The following PCGF6 variants were observed in gnomAD, a reference collection of about 807,000 sequenced individuals.
PCGF6 encodes polycomb group RING finger protein 6.
Under a neutral mutation model 45.5 loss-of-function variants are expected in PCGF6, and 24 were observed. The ratio of observed to expected loss-of-function variants is 0.53; its 90% CI spans 0.38 to 0.74. The LOEUF (loss-of-function observed/expected upper bound fraction) is 0.74, where lower values mean the gene tolerates loss of function less well. Ranked by LOEUF, PCGF6 falls within the 30% of genes least tolerant of loss-of-function variation. PCGF6 has a pLI of 0.00. For synonymous variants in PCGF6, 152 were observed against 162.1 expected (o/e 0.94, Z 0.47); for missense variants, 356 against 443.2 (o/e 0.80, Z 1.77).
In PCGF6 at chr10:103,339,705, G is replaced by A. The variant is rs533095860; in HGVS notation, c.782+5319C>T. ...CTCTGGAGGCTGAGGTGGCAGAATT[G>A]CTTGAAACCGGAAGACTGAGGACTG... On this transcript the variant is annotated intron_variant, in intron 6 of 9. Coordinates refer to ENST00000369847, the MANE Select transcript of PCGF6 (RefSeq NM_001011663.2). 6.0e-5 allele frequency among the ~76,000 whole-genome samples: 9 copies of A among 151,086 alleles called. No homozygotes were observed. In the South Asian group the frequency reaches 1.9e-3, roughly 32 times the overall value.
Position 103,302,926 on chromosome 10 carries a change from C to T in PCGF6, c.*979G>A, listed in dbSNP as rs1404337534. On this transcript the variant is annotated 3_prime_UTR_variant, in exon 10 of 10. Transcript: ENST00000369847. The stretch of plus-strand genomic sequence containing the variant: ...CACATTCAGAAATTCTGCTGTTAAA[C>T]AGGATTTATAAAATATTTCTTTCAG... The T allele has an allele frequency of 6.6e-6, 1 of 152,308 alleles. No homozygotes were observed. The highest frequency in any genetic ancestry group is 2.4e-5 in the African/African-American group (1 of 41,402). The allele number at this position is 152,308 out of a possible 1,614,324, so 9.4% of individuals were successfully genotyped here.
chr10:103,338,507 T>C (rs2093266495), intron 6 of PCGF6, among the ~76,000 whole-genome samples: 1 of 147,252 alleles, frequency 6.8e-6, no homozygotes, highest in African/African-American at 2.5e-5. Flanking sequence ...ATCGCGCCAC[T>C]GCACTCCAGC....
chr10:103,326,314 G>A (rs539853170), intron 8 of PCGF6, among the ~76,000 whole-genome samples: 76 of 151,308 alleles, frequency 5.0e-4, no homozygotes, highest in African/African-American at 1.1e-3. Flanking sequence ...GCGTGAACCC[G>A]GGAGGCTGAG....
chr10:103,348,739 C>G lies in PCGF6; in HGVS notation c.534G>C (p.Gln178His). The G allele has an allele frequency of 6.3e-7, 1 of 1,598,810 alleles. No homozygotes were observed. Among genetic ancestry groups the G allele is most frequent in the Non-Finnish European group, 8.6e-7 (1 of 1,168,838 alleles). The change falls in exon 3 of 10, where the codon CAG becomes CAC. Residue 178 changes from glutamine to histidine, a missense_variant. Gln to His is a conservative substitution (Grantham distance 24). Transcript: ENST00000369847. ...RCPKCNIVVHQTQPLYNIRLD... is the reference protein window; with the variant it reads ...RCPKCNIVVHHTQPLYNIRLD... ...ACCTTATGTTATAAAGAGGTTGTGT[C>G]TGATGTACTACTATATTGCATTTTG...
In PCGF6 at chr10:103,314,222, C is replaced by T; in HGVS notation, c.960G>A (p.Arg320=). The T allele has an allele frequency of 6.2e-7, 1 of 1,606,416 alleles. No homozygotes were observed. Among genetic ancestry groups the T allele is most frequent in the Non-Finnish European group, 8.5e-7 (1 of 1,174,836 alleles). Residue 320 remains arginine, a synonymous_variant, in exon 9 of 10, where the codon AGG becomes AGA. Coordinates refer to ENST00000369847, the MANE Select transcript of PCGF6 (RefSeq NM_001011663.2). ...DHLLEQYQTL[R]EIRRAIGDAA... Reference sequence around the variant, plus strand: ...CATCACCTATTGCACGTCGGATTTCCCTTAGAGTTTGATACTGCTCCAACA... The same window carrying T: ...CATCACCTATTGCACGTCGGATTTCTCTTAGAGTTTGATACTGCTCCAACA...
In PCGF6 at chr10:103,350,815, C is replaced by A; in HGVS notation, c.252G>T (p.Leu84Phe). Residue 84 changes from leucine (L) to phenylalanine (F), a missense_variant, in exon 1 of 10, where the codon TTG becomes TTT. By Grantham distance (22) the Leu-to-Phe change is conservative. Transcript: ENST00000369847. ...RGRFEDEDEE[L>F]EEEEELEEEE... is the part of the protein sequence containing the mutation. ...CCTCCTCCAGCTCCTCTTCTTCTTC[C>A]AACTCCTCGTCCTCGTCCTCGAAGC... 1 of 1,552,084 alleles carries A rather than the reference C, an allele frequency of 6.4e-7. No homozygotes were observed.
intron 8 of PCGF6, among the ~76,000 whole-genome samples, chr10:103,319,874 C>T (rs1281610793): frequency 6.6e-6 from 1 of 152,066 alleles, no homozygotes; most frequent in African/African-American, 2.4e-5. Flanking sequence ...GGTGCGATCT[C>T]GGCTCACCGC....
At chr10:103,307,740 G>A (rs1410667638) in intron 9 of PCGF6, among the ~76,000 whole-genome samples, 3 of 152,040 alleles carry the variant, frequency 2.0e-5, no homozygotes, top group Non-Finnish European at 4.4e-5. Context: ...CCCAGAATAC[G>A]GGGATTACAG....
chr10:103,350,805 C>A lies in PCGF6; in HGVS notation c.262G>T (p.Glu88Ter). 1 of 1,554,210 alleles carries A rather than the reference C, an allele frequency of 6.4e-7. No individual in the cohort carries two copies. Among genetic ancestry groups the A allele is most frequent in the Non-Finnish European group, 8.7e-7 (1 of 1,149,292 alleles). The change falls in exon 1 of 10, where the codon GAG becomes TAG. Residue 88 changes from glutamate to a stop codon, truncating the protein, a stop_gained. Coordinates refer to ENST00000369847, the MANE Select transcript of PCGF6 (RefSeq NM_001011663.2). LOFTEE classifies it high-confidence loss of function. ...EDEDEELEEE[E>*]ELEEEEEEEE... ...TCCTCTTCTTCCTCCTCCAGCTCCT[C>A]TTCTTCTTCCAACTCCTCGTCCTCG...
intron 7 of PCGF6, among the ~76,000 whole-genome samples, chr10:103,332,276 A>C (rs2093242907): frequency 1.3e-5 from 2 of 152,010 alleles, no homozygotes; most frequent in African/African-American, 4.8e-5. Flanking sequence ...CAGTAGACTA[A>C]TACTTTATCT....
intron 7 of PCGF6, among the ~76,000 whole-genome samples, chr10:103,330,800 G>T (rs1412846919): frequency 6.6e-6 from 1 of 152,114 alleles, no homozygotes; most frequent in Non-Finnish European, 1.5e-5. Flanking sequence ...GTGGTGGGGC[G>T]CACCTGTAAT....
At chr10:103,340,733 A>T (rs989279130) in intron 6 of PCGF6, among the ~76,000 whole-genome samples, 1 of 151,902 alleles carries the variant, frequency 6.6e-6, no homozygotes, top group South Asian at 2.1e-4. Context: ...AGTAGATGGG[A>T]CTACAGGTGC....
At chr10:103,313,181 G>A (rs2093163516) in intron 9 of PCGF6, among the ~76,000 whole-genome samples, 1 of 152,176 alleles carries the variant, frequency 6.6e-6, no homozygotes, top group Non-Finnish European at 1.5e-5. Flanking sequence ...TACTGTATAA[G>A]AAAAGCTATG....
chr10:103,329,612 G>A (rs1445896597), intron 7 of PCGF6, among the ~76,000 whole-genome samples: 1 of 151,788 alleles, frequency 6.6e-6, no homozygotes, highest in Non-Finnish European at 1.5e-5. Context: ...CAAGTAGCTG[G>A]GACTACAGGC....
Position 103,351,049 on chromosome 10 carries a change from C to A in PCGF6, c.18G>T (p.Val6=). The A allele has an allele frequency of 7.2e-7, 1 of 1,393,254 alleles. No individual in the cohort carries two copies. Among genetic ancestry groups the A allele is most frequent in the East Asian group, 2.8e-5 (1 of 36,346 alleles). The allele number at this position is 1,393,254 out of a possible 1,614,324, so 86.3% of individuals were successfully genotyped here. Residue 6 remains valine, a synonymous_variant, in exon 1 of 10, where the codon GTG becomes GTT. Transcript: ENST00000369847. Reference sequence around the variant, plus strand: ...CAGCGCCTACGCTGCCCGCCGTCACCACCGCGACCCCCTCCATGGTCGGGA... The same window carrying A: ...CAGCGCCTACGCTGCCCGCCGTCACAACCGCGACCCCCTCCATGGTCGGGA... MEGVA[V]VTAGSVGAAK... is the part of the protein sequence containing the mutation.
intron 8 of PCGF6, among the ~76,000 whole-genome samples, chr10:103,323,210 A>T (rs2093204228): frequency 6.6e-6 from 1 of 152,226 alleles, no homozygotes; most frequent in Non-Finnish European, 1.5e-5. Flanking sequence ...AGGATATGTC[A>T]AGCTCAGTTA....
chr10:103,348,608 G>A (rs570041506), intron 3 of PCGF6, 108 bp downstream of exon 3: 1 of 826,114 alleles, frequency 1.2e-6, no homozygotes, highest in East Asian at 2.8e-5. Flanking sequence ...TATGGCATTA[G>A]CCACTGAACC....
intron 7 of PCGF6, among the ~76,000 whole-genome samples, chr10:103,333,612 C>T (rs1324482801): frequency 6.6e-6 from 1 of 152,016 alleles, no homozygotes; most frequent in African/African-American, 2.4e-5. Flanking sequence ...ATGTTACATG[C>T]AAATAAAATT....
At chr10:103,349,095 C>T in intron 1 of PCGF6, 96 bp from the exon 2 acceptor site, 2 of 1,031,968 alleles carry the variant, frequency 1.9e-6, no homozygotes, top group Middle Eastern at 2.1e-4. Flanking sequence ...GTAGCCCAAG[C>T]TGAGTGCAGT....
Sources: gnomAD v4.1 joint callset for allele counts (sites outside exome capture counted in the v4.1 genomes callset) on GRCh38, gnomAD v4.1.1 for gene constraint, MANE v1.5 for transcripts, NCBI Gene and HGNC (gene_info 2026-07-23, HGNC 2026-07-21) for gene names.